Variants in BCKDHB observed in about 807,000 individuals in gnomAD.
BCKDHB encodes 2-oxoisovalerate dehydrogenase subunit beta, mitochondrial.
BCKDHB carries 41 observed loss-of-function variants against 48.5 expected under a neutral mutation model. The observed-to-expected ratio is 0.85, with a 90% confidence interval of 0.66 to 1.10. The LOEUF (loss-of-function observed/expected upper bound fraction) is 1.10, where lower values mean the gene tolerates loss of function less well. Among genes scored for constraint, BCKDHB ranks in the 50% least tolerant of loss-of-function variants. The pLI, the probability that BCKDHB is intolerant of heterozygous loss-of-function variation, is 0.00. For missense variants in BCKDHB, 496 were observed against 494.2 expected (o/e 1.00, Z -0.03); for synonymous variants, 201 against 174.8 (o/e 1.15, Z -1.18).
chr6:80,117,984 T>C (rs1315060700), intron 1 of BCKDHB, among the ~76,000 whole-genome samples: 2 of 152,172 alleles, frequency 1.3e-5, no homozygotes, highest in Admixed American at 1.3e-4. Context: ...GCTAGGTTCT[T>C]AGCTATGGAA....
the BCKDHB span, among the ~76,000 whole-genome samples, chr6:80,405,795 A>G: frequency 6.6e-6 from 1 of 152,172 alleles, no homozygotes; most frequent in Non-Finnish European, 1.5e-5. Flanking sequence ...CTGATAGCAT[A>G]TAAAACATGA....
At chr6:80,416,057 C>T in the BCKDHB span, among the ~76,000 whole-genome samples, 14 of 151,694 alleles carry the variant, frequency 9.2e-5, no homozygotes, top group African/African-American at 2.4e-4. Context: ...AGTTTATCTG[C>T]GTAGAGGTGT....
chr6:80,157,780 A>G (rs1772123149), intron 3 of BCKDHB, among the ~76,000 whole-genome samples: 1 of 151,982 alleles, frequency 6.6e-6, no homozygotes, highest in Admixed American at 6.6e-5. Flanking sequence ...CGCCCGGCCA[A>G]GAATCTTTAT....
the BCKDHB span, among the ~76,000 whole-genome samples, chr6:80,430,694 T>C: frequency 2.4e-3 from 361 of 152,224 alleles, 2 homozygotes; most frequent in African/African-American, 8.3e-3. Context: ...ATTGCATCTA[T>C]TTGATTCTTC....
At chr6:80,460,541 A>G in the BCKDHB span, among the ~76,000 whole-genome samples, 1 of 152,154 alleles carries the variant, frequency 6.6e-6, no homozygotes, top group South Asian at 2.1e-4. Context: ...GAAGCAAAAC[A>G]AAAATAGCCC....
intron 9 of BCKDHB, among the ~76,000 whole-genome samples, chr6:80,326,191 CAAAAT>C (rs141893186): frequency 0.41 from 62,771 of 151,482 alleles, 15,553 homozygotes; most frequent in Admixed American, 0.59. Flanking sequence ...TAAAATACCT[CAAAAT>C]AAAACGTTAT....
chr6:80,296,616 TA>T (rs1767263702), intron 9 of BCKDHB, among the ~76,000 whole-genome samples: 1 of 152,210 alleles, frequency 6.6e-6, no homozygotes, highest in African/African-American at 2.4e-5. Context: ...AATTTGACCA[TA>T]AGGTAATAGT....
intron 8 of BCKDHB, among the ~76,000 whole-genome samples, chr6:80,220,304 G>GTTTTTTTTTTTTTTTTTTTCTTTTTTTT (rs56967096): frequency 1.6e-5 from 1 of 60,860 alleles, no homozygotes; most frequent in African/African-American, 6.7e-5. Context: ...CATGCTATTT[G>GTTTTTTTTTTTTTTTTTTTCTTTTTTTT]TTTTTTTTTT....
chr6:80,312,174 C>CT (rs1311023598), intron 9 of BCKDHB, among the ~76,000 whole-genome samples: 3 of 151,992 alleles, frequency 2.0e-5, no homozygotes, highest in Non-Finnish European at 4.4e-5. Flanking sequence ...GTGTTTTATT[C>CT]TTTTTATGGC....
chr6:80,177,831 C>T (rs1356531894), intron 6 of BCKDHB, among the ~76,000 whole-genome samples: 1 of 152,176 alleles, frequency 6.6e-6, no homozygotes, highest in Non-Finnish European at 1.5e-5. Flanking sequence ...AACAAGTTAA[C>T]TTGTCAACTT....
the BCKDHB span, chr6:80,374,409 T>C: frequency 2.5e-6 from 2 of 785,776 alleles, no homozygotes; most frequent in Admixed American, 1.7e-5. Flanking sequence ...GCACCGTTTC[T>C]GTAAAGTGAC....
chr6:80,411,965 C>T, the BCKDHB span, among the ~76,000 whole-genome samples: 7 of 152,184 alleles, frequency 4.6e-5, no homozygotes, highest in African/African-American at 1.7e-4. Context: ...GGGCTGCACC[C>T]ACTGTCCAGC....
At chr6:80,228,638 G>C (rs1186703678) in intron 8 of BCKDHB, among the ~76,000 whole-genome samples, 1 of 152,180 alleles carries the variant, frequency 6.6e-6, no homozygotes, top group Admixed American at 6.5e-5. Flanking sequence ...GTTTTTCACA[G>C]ACAGTGCTTT....
At chr6:80,222,268 A>G (rs187999558) in intron 8 of BCKDHB, among the ~76,000 whole-genome samples, 1 of 152,324 alleles carries the variant, frequency 6.6e-6, no homozygotes, top group African/African-American at 2.4e-5. Context: ...ACCTAATTTT[A>G]TATGACAAAG....
chr6:80,141,019 T>G (rs553495123), intron 3 of BCKDHB, among the ~76,000 whole-genome samples: 1 of 152,338 alleles, frequency 6.6e-6, no homozygotes, highest in Admixed American at 6.5e-5. Context: ...AACTTCTTCC[T>G]GGTTTAGTCT....
the BCKDHB span, among the ~76,000 whole-genome samples, chr6:80,384,226 A>G: frequency 0.019 from 2,922 of 152,312 alleles, 89 homozygotes; most frequent in African/African-American, 0.067. Flanking sequence ...GCCAGCAAAT[A>G]TAAAGCAGGA....
chr6:80,244,889 T>C (rs956045399), intron 8 of BCKDHB, among the ~76,000 whole-genome samples: 1 of 152,210 alleles, frequency 6.6e-6, no homozygotes, highest in Non-Finnish European at 1.5e-5. Flanking sequence ...CCAAAGGCAG[T>C]ATCTGGAAGA....
chr6:80,149,985 A>AAT (rs1468406778), intron 3 of BCKDHB, among the ~76,000 whole-genome samples: 33 of 22,302 alleles, frequency 1.5e-3, no homozygotes, highest in Non-Finnish European at 1.9e-3. Flanking sequence ...TAATAATAAT[A>AAT]AAAAAAAATA....
rs1040699142 is a variant in BCKDHB at position 80,109,266 on chromosome 6, A to T, written c.196+2377A>T. 1.3e-5 allele frequency among the ~76,000 whole-genome samples: 2 copies of T among 152,310 alleles called. 1 individual carries two copies. Among genetic ancestry groups the T allele is most frequent in the Middle Eastern group, 6.8e-3 (2 of 294 alleles). ...AAGGTTGTTGTGAGGGCTACATAAAACAATGTCTATAATATACTTAACACT... is the reference window on the plus strand; with the variant it reads ...AAGGTTGTTGTGAGGGCTACATAAATCAATGTCTATAATATACTTAACACT... On this transcript the variant is annotated intron_variant, in intron 1 of 9. Transcript: ENST00000320393.
Sources: allele counts gnomAD v4.1 joint callset (sites outside exome capture counted in the v4.1 genomes callset), GRCh38; gene constraint gnomAD v4.1.1; transcripts MANE v1.5; gene names NCBI Gene and HGNC (gene_info 2026-07-23, HGNC 2026-07-21).